DAAM2: variants seen among roughly 807,000 people sequenced by gnomAD.
The protein encoded by DAAM2 is disheveled-associated activator of morphogenesis 2.
In DAAM2, 39 loss-of-function variants were observed where a neutral mutation model predicts 120.7. The observed-to-expected ratio is 0.32, with a 90% CI of 0.25 to 0.42. The LOEUF (loss-of-function observed/expected upper bound fraction) is 0.42. Ranked by LOEUF, DAAM2 falls within the 10% of genes least tolerant of loss-of-function variation. The probability of loss-of-function intolerance (pLI) is 1.00; values close to 1 mark genes in which losing one functional copy is unlikely to be tolerated. For synonymous variants in DAAM2, 488 were observed against 524.9 expected, an observed-to-expected ratio of 0.93 and a Z score of 0.96; for missense variants, 1,283 against 1,401.7, an observed-to-expected ratio of 0.92 and a Z score of 1.35.
chr6:39,841,853 C>A (rs183886834), intron 1 of DAAM2, among the ~76,000 whole-genome samples: 1 of 152,092 alleles, frequency 6.6e-6, no homozygotes, highest in African/African-American at 2.4e-5. Context: ...GCCAGAGTCT[C>A]GTTTCCGTCA....
At position 39,901,799 on chromosome 6, in the gene DAAM2, C is replaced by A; in HGVS notation, c.2983-14C>A. The stretch of plus-strand genomic sequence containing the variant: ...TCCCTGAGAGGGTTCCTATCTTTGG[C>A]CCCCCGCCCGCAGCTGAAGGAGCAG... On this transcript the variant is annotated splice_polypyrimidine_tract_variant and intron_variant, in intron 24 of 24. Coordinates refer to ENST00000274867, the MANE Select transcript of DAAM2 (RefSeq NM_001201427.2). This position sits in a 1 kb window ranked among gnomAD's most constrained non-coding sequence, Gnocchi z 4.5. 1.3e-6 allele frequency: 2 copies of A among 1,511,056 alleles called. No homozygotes were observed. The highest frequency in any genetic ancestry group is 2.6e-5 in the South Asian group (2 of 75,870). The allele number at this position is 1,511,056 out of a possible 1,614,324, so 93.6% of individuals were successfully genotyped here.
intron 1 of DAAM2, among the ~76,000 whole-genome samples, chr6:39,833,625 G>T (rs1762998668): frequency 6.6e-6 from 1 of 152,066 alleles, no homozygotes; most frequent in Non-Finnish European, 1.5e-5. Context: ...GTTTTCTATT[G>T]CCCTGTCCTG....
chr6:39,888,798 C>T (rs780026722), intron 17 of DAAM2, 35 bp downstream of exon 17: 1 of 1,563,940 alleles, frequency 6.4e-7, no homozygotes, highest in Non-Finnish European at 8.8e-7. Flanking sequence ...GGGAACTGAA[C>T]CCAGCGGGCA....
At position 39,855,302 on chromosome 6, in the gene DAAM2, G is replaced by A. The variant is rs368478966; in HGVS notation, c.-56-945G>A. On this transcript the variant is annotated intron_variant, in intron 1 of 24. Coordinates refer to ENST00000274867, the MANE Select transcript of DAAM2 (RefSeq NM_001201427.2). ...AGGCCATGTGGCACCAATGACAGGG[G>A]TAGCGTTCTTTCTCAAGCTGGTCAT... is the stretch of plus-strand genomic sequence containing the variant. Among the ~76,000 whole-genome samples the A allele has an allele frequency of 2.0e-5, 3 of 152,262 alleles. No homozygotes were observed. The South Asian group carries it at 6.2e-4, about 32-fold the overall frequency.
intron 10 of DAAM2, 88 bp downstream of exon 10, chr6:39,873,443 T>C (rs540378565): frequency 2.3e-6 from 2 of 884,928 alleles, no homozygotes; most frequent in Admixed American, 2.0e-5. Context: ...CCTCCCTGGT[T>C]TGGGGAGTCT....
At chr6:39,818,592 G>A (rs1762386123) in intron 1 of DAAM2, among the ~76,000 whole-genome samples, 2 of 152,202 alleles carry the variant, frequency 1.3e-5, no homozygotes, top group African/African-American at 4.8e-5. Flanking sequence ...CCTCCAGGGT[G>A]ACTAAATTTG....
intron 1 of DAAM2, among the ~76,000 whole-genome samples, chr6:39,796,636 A>AAAT (rs2113983216): frequency 1.9e-5 from 1 of 54,010 alleles, no homozygotes; most frequent in African/African-American, 4.6e-5. Context: ...AAAAAAAAAA[A>AAAT]AAAAACCTGT....
At position 39,836,618 on chromosome 6, in the gene DAAM2, C is replaced by G. The variant is rs144183395; in HGVS notation, c.-56-19629C>G. Among the ~76,000 whole-genome samples the G allele has an allele frequency of 3.8e-3, 576 of 152,296 alleles. 3 individuals are homozygous for G. Among genetic ancestry groups the G allele is most frequent in the African/African-American group, 0.013 (551 of 41,558 alleles). Reference sequence around the variant, plus strand: ...TTCTCACAGCTACAGAGCCTTCTCTCTAAATCAGAAACTCTGGGGTGGGGC... The same window carrying G: ...TTCTCACAGCTACAGAGCCTTCTCTGTAAATCAGAAACTCTGGGGTGGGGC... On this transcript the variant is annotated intron_variant, in intron 1 of 24. Transcript: ENST00000274867.
At chr6:39,847,791 C>T (rs1042776100) in intron 1 of DAAM2, among the ~76,000 whole-genome samples, 2 of 152,112 alleles carry the variant, frequency 1.3e-5, no homozygotes, top group Non-Finnish European at 2.9e-5. Context: ...TCTTGTCTTC[C>T]CACCCCATAC....
chr6:39,893,291 C>A (rs563644300), intron 19 of DAAM2, among the ~76,000 whole-genome samples: 168 of 152,246 alleles, frequency 1.1e-3, no homozygotes, highest in Non-Finnish European at 1.9e-3. Flanking sequence ...CCAAGGCGGG[C>A]GGATCACAAG....
At chr6:39,809,976 G>C (rs1302288026) in intron 1 of DAAM2, among the ~76,000 whole-genome samples, 1 of 152,128 alleles carries the variant, frequency 6.6e-6, no homozygotes, top group Non-Finnish European at 1.5e-5. Context: ...TGGAACCTTT[G>C]TCTTTGTGCT....
chr6:39,821,892 A>C (rs1762501230), intron 1 of DAAM2: 1 of 152,258 alleles, frequency 6.6e-6, no homozygotes, highest in African/African-American at 2.4e-5. Flanking sequence ...GGAGACTTGG[A>C]CCAATTCCTC....
intron 8 of DAAM2, among the ~76,000 whole-genome samples, 159 bp downstream of exon 8, chr6:39,870,602 GC>G (rs1246198999): frequency 6.6e-6 from 1 of 152,196 alleles, no homozygotes; most frequent in Non-Finnish European, 1.5e-5. Flanking sequence ...GGGTGCCCTT[GC>G]CTGTCCTCTT....
rs1766293388 is a variant in DAAM2, at chr6:39,898,865, G to A, written c.2619-12G>A. 3.7e-6 allele frequency: 6 copies of A among 1,610,084 alleles called. No individual in the cohort carries two copies. Among genetic ancestry groups the A allele is most frequent in the South Asian group, 1.1e-5 (1 of 90,184 alleles). ...ATGGTCCTCATTCCCTTCCCTCTGT[G>A]TCTCCTTACAGCCTAGCAGAACTGG... On this transcript the variant is annotated splice_polypyrimidine_tract_variant and intron_variant, in intron 21 of 24. Transcript: ENST00000274867.
chr6:39,866,487 T>G (rs1172766930), intron 5 of DAAM2, among the ~76,000 whole-genome samples: 1 of 152,252 alleles, frequency 6.6e-6, no homozygotes, highest in Non-Finnish European at 1.5e-5. Context: ...ATAATAATTT[T>G]CTTAGATCAT....
In DAAM2 at chr6:39,879,000, G is replaced by A. The variant is rs1405474064; in HGVS notation, c.1546-178G>A. Among the ~76,000 whole-genome samples, 1 of 152,072 alleles carries A rather than the reference G, an allele frequency of 6.6e-6. No individual in the cohort carries two copies. The highest frequency in any genetic ancestry group is 1.5e-5 in the Non-Finnish European group (1 of 68,012). On this transcript the variant is annotated intron_variant, in intron 13 of 24. Coordinates refer to ENST00000274867, the MANE Select transcript of DAAM2 (RefSeq NM_001201427.2). The surrounding 1 kb of genome is among the most constrained non-coding windows in gnomAD (Gnocchi z 5.0). The stretch of plus-strand genomic sequence containing the variant: ...CTGTGGTGGTGGTGTGTGTGTGTTT[G>A]CGTGTGTTAGATGTTTGGATGCAGA...
intron 17 of DAAM2, among the ~76,000 whole-genome samples, chr6:39,890,164 T>C (rs952954351): frequency 6.6e-6 from 1 of 151,966 alleles, no homozygotes; most frequent in Admixed American, 6.6e-5. Context: ...ACACTGTTCA[T>C]TGAGTGGAGG....
At position 39,898,937 on chromosome 6, in the gene DAAM2, G is replaced by A; in HGVS notation, c.2679G>A (p.Val893=). The A allele has an allele frequency of 6.2e-7, 1 of 1,609,924 alleles. No homozygotes were observed. The highest frequency in any genetic ancestry group is 1.1e-5 in the South Asian group (1 of 89,904). ...GGAGGGGCCTGAGAGCGGTGGAGGT[G>A]GTGAGTACCTTGTCAGTGCCTACCT... ...NLRRGLRAVE[V]ELEYQRRQVR... The change falls in exon 22 of 25, where the codon GTG becomes GTA. Residue 893 remains valine (V), a splice_region_variant and synonymous_variant. Coordinates refer to ENST00000274867, the MANE Select transcript of DAAM2 (RefSeq NM_001201427.2).
At chr6:39,879,050 G>A in intron 13 of DAAM2, 128 bp from the exon 14 acceptor site, 2 of 646,516 alleles carry the variant, frequency 3.1e-6, no homozygotes, top group Non-Finnish European at 5.3e-6. Flanking sequence ...CCAAATGTGT[G>A]TAGAAGATAA....
Sources: gnomAD v4.1 joint callset for allele counts (sites outside exome capture counted in the v4.1 genomes callset) on GRCh38, gnomAD v4.1.1 for gene constraint, Gnocchi (gnomAD v3.1) non-coding constraint, MANE v1.5 for transcripts, NCBI Gene and HGNC (gene_info 2026-07-23, HGNC 2026-07-21) for gene names.